Variants in IKZF3 observed in about 807,000 individuals in gnomAD.
IKZF3 encodes the protein IKAROS family zinc finger 3.
Under a neutral mutation model 49.0 loss-of-function variants are expected in IKZF3, and 10 were observed. The ratio of observed to expected loss-of-function variants is 0.20; its 90% CI spans 0.13 to 0.35. The LOEUF (loss-of-function observed/expected upper bound fraction) is 0.35, where lower values mean the gene tolerates loss of function less well. IKZF3 is among the 10% of genes least tolerant of loss of function. The pLI is 1.00. For missense variants in IKZF3, 498 were observed against 664.8 expected (o/e 0.75, Z 2.76); for synonymous variants, 209 against 228.2 (o/e 0.92, Z 0.76).
chr17:39,804,886 C>T (rs2061400375), intron 3 of IKZF3, among the ~76,000 whole-genome samples: 3 of 152,126 alleles, frequency 2.0e-5, no homozygotes, highest in African/African-American at 7.2e-5. Flanking sequence ...GAAACTTTTG[C>T]CTTTTCACTT....
intron 3 of IKZF3, among the ~76,000 whole-genome samples, chr17:39,798,996 C>CGT (rs10628627): frequency 0.66 from 98,078 of 148,866 alleles, 32,852 homozygotes; most frequent in African/African-American, 0.8. Flanking sequence ...TGTGTGTGTG[C>CGT]GTGTGTGTGT....
At chr17:39,781,031 T>G (rs983827481) in intron 6 of IKZF3, among the ~76,000 whole-genome samples, 2 of 152,176 alleles carry the variant, frequency 1.3e-5, no homozygotes, top group Non-Finnish European at 2.9e-5. Flanking sequence ...TGAGTGGCTT[T>G]TGGGCTAGTG....
At chr17:39,841,846 A>G (rs961547619) in intron 1 of IKZF3, among the ~76,000 whole-genome samples, 2 of 151,814 alleles carry the variant, frequency 1.3e-5, no homozygotes, top group Non-Finnish European at 2.9e-5. Flanking sequence ...GGAGTTCAAG[A>G]CTAGCCTGGG....
rs1369866802 is a variant in IKZF3, at chr17:39,845,875, C to T, written c.8-13724G>A. Among the ~76,000 whole-genome samples, 4 of 152,082 alleles carry T rather than the reference C, an allele frequency of 2.6e-5. No individual in the cohort carries two copies. In the East Asian group the frequency reaches 5.8e-4, roughly 22 times the overall value. On this transcript the variant is annotated intron_variant, in intron 1 of 7. Coordinates refer to ENST00000346872, the MANE Select transcript of IKZF3 (RefSeq NM_012481.5). Reference sequence around the variant, plus strand: ...AATGTCACTGATTGAAAAATTAATGCGACTTTTCAGAGGGTAAAAATATCG... The same window carrying T: ...AATGTCACTGATTGAAAAATTAATGTGACTTTTCAGAGGGTAAAAATATCG...
intron 1 of IKZF3, among the ~76,000 whole-genome samples, chr17:39,833,161 G>C (rs542279297): frequency 6.6e-6 from 1 of 151,942 alleles, no homozygotes; most frequent in Non-Finnish European, 1.5e-5. Context: ...CTTTTTCAAC[G>C]CATTGCAAAA....
rs572738095 is a variant in IKZF3 at position 39,834,243 on chromosome 17, T to C, written c.8-2092A>G. ...TGGGTTATAGGGTAGGAGGCATATA[T>C]CTAGTTTCAACACAGTGAAACTAGA... On this transcript the variant is annotated intron_variant, in intron 1 of 7. Transcript: ENST00000346872. Among the ~76,000 whole-genome samples, 180 of 152,342 alleles carry C rather than the reference T, an allele frequency of 1.2e-3. 1 individual carries two copies. In the Middle Eastern group the frequency reaches 0.031, roughly 26 times the overall value.
intron 7 of IKZF3, 70 bp from the exon 8 acceptor site, chr17:39,766,563 G>A: frequency 7.5e-7 from 1 of 1,330,264 alleles, no homozygotes; most frequent in Middle Eastern, 2.7e-4. Flanking sequence ...ATATTTTCTA[G>A]AGACCTCAAA....
Position 39,762,286 on chromosome 17 carries a change from G to T in IKZF3, c.*3504C>A, listed in dbSNP as rs546109663. The T allele has an allele frequency of 6.6e-6, 1 of 152,322 alleles. No homozygotes were observed. The highest frequency in any genetic ancestry group is 2.1e-4 in the South Asian group (1 of 4,820). The allele number at this position is 152,322 out of a possible 1,614,324, so 9.4% of individuals were successfully genotyped here. On this transcript the variant is annotated 3_prime_UTR_variant, in exon 8 of 8. Coordinates refer to ENST00000346872, the MANE Select transcript of IKZF3 (RefSeq NM_012481.5). ...GGTTTGTTAATTAGTACAGCATAAG[G>T]GGTATGTACAGAAGGCAGCGTTTAT...
intron 7 of IKZF3, among the ~76,000 whole-genome samples, chr17:39,769,922 A>C (rs902108675): frequency 3.3e-5 from 5 of 152,252 alleles, no homozygotes; most frequent in African/African-American, 9.6e-5. Flanking sequence ...AAACATTAAG[A>C]GGAAGATAAA....
intron 3 of IKZF3, among the ~76,000 whole-genome samples, chr17:39,826,633 G>T (rs1465985988): frequency 6.6e-6 from 1 of 152,194 alleles, no homozygotes; most frequent in African/African-American, 2.4e-5. Flanking sequence ...AATTTGAGGG[G>T]TGCATTAAAG....
At chr17:39,817,274 C>T (rs961732810) in intron 3 of IKZF3, among the ~76,000 whole-genome samples, 3 of 152,242 alleles carry the variant, frequency 2.0e-5, no homozygotes, top group Admixed American at 6.5e-5. Context: ...TTTAAACACT[C>T]CAGACAAGTC....
chr17:39,766,560 C>T, intron 7 of IKZF3, 67 bp from the exon 8 acceptor site: 1 of 1,334,216 alleles, frequency 7.5e-7, no homozygotes, highest in South Asian at 1.4e-5. Context: ...TAAATATTTT[C>T]TAGAGACCTC....
At chr17:39,784,236 T>C (rs75762902) in intron 6 of IKZF3, among the ~76,000 whole-genome samples, 1 of 152,210 alleles carries the variant, frequency 6.6e-6, no homozygotes, top group Non-Finnish European at 1.5e-5. Flanking sequence ...ATACCGGCTG[T>C]TAGTCTCTTT....
chr17:39,853,323 TTGTATAATAAA>T (rs1264869932), intron 1 of IKZF3, among the ~76,000 whole-genome samples: 1 of 152,220 alleles, frequency 6.6e-6, no homozygotes, highest in African/African-American at 2.4e-5. Flanking sequence ...TTGAATTATA[TTGTATAATAAA>T]TGTATTACAA....
At chr17:39,820,348 C>G (rs1473453114) in intron 3 of IKZF3, among the ~76,000 whole-genome samples, 1 of 152,078 alleles carries the variant, frequency 6.6e-6, no homozygotes, top group Non-Finnish European at 1.5e-5. Flanking sequence ...ATAAATATCA[C>G]TATAAAATGT....
intron 3 of IKZF3, among the ~76,000 whole-genome samples, chr17:39,795,603 C>T (rs928031792): frequency 1.3e-5 from 2 of 151,622 alleles, no homozygotes; most frequent in Non-Finnish European, 2.9e-5. Context: ...GACGGGGTTT[C>T]GCCATGTTGG....
chr17:39,781,005 G>T (rs1258571334), intron 6 of IKZF3, among the ~76,000 whole-genome samples: 1 of 152,152 alleles, frequency 6.6e-6, no homozygotes, highest in Non-Finnish European at 1.5e-5. Context: ...AACAGTAAGG[G>T]TCAGAATAGG....
intron 2 of IKZF3, among the ~76,000 whole-genome samples, chr17:39,830,441 T>C (rs553832404): frequency 6.6e-6 from 1 of 152,230 alleles, no homozygotes; most frequent in South Asian, 2.1e-4. Flanking sequence ...GACAAAGGAT[T>C]AAATAAAGGA....
intron 3 of IKZF3, among the ~76,000 whole-genome samples, chr17:39,812,782 A>G (rs1368365051): frequency 6.6e-6 from 1 of 152,202 alleles, no homozygotes; most frequent in African/African-American, 2.4e-5. Flanking sequence ...GGAGGCACCA[A>G]CACTACTGCT....
Sources: gnomAD v4.1 joint callset for allele counts (sites outside exome capture counted in the v4.1 genomes callset) on GRCh38, gnomAD v4.1.1 for gene constraint, MANE v1.5 for transcripts, NCBI Gene and HGNC (gene_info 2026-07-23, HGNC 2026-07-21) for gene names.